ADCY2: variants seen among roughly 807,000 people sequenced by gnomAD.
ADCY2 encodes the protein adenylate cyclase 2, also known as adenylate cyclase type 2.
ADCY2 carries 31 observed loss-of-function variants against 125.2 expected under a neutral mutation model. The observed-to-expected ratio is 0.25, with a 90% CI of 0.19 to 0.33. ADCY2 has a LOEUF of 0.33. ADCY2 is among the 10% of genes least tolerant of loss of function. ADCY2 has a pLI of 1.00. For missense variants in ADCY2, 904 were observed against 1,418.2 expected, an observed-to-expected ratio of 0.64 and a Z score of 5.82; for synonymous variants, 512 against 548.4, an observed-to-expected ratio of 0.93 and a Z score of 0.93.
intron 15 of ADCY2, among the ~76,000 whole-genome samples, chr5:7,756,880 G>C (rs570344072): frequency 6.6e-6 from 1 of 152,152 alleles, no homozygotes; most frequent in Non-Finnish European, 1.5e-5. Context: ...GAGCTTCTCC[G>C]TGTGGGAGAA....
At chr5:7,581,663 C>CAAA (rs66835903) in intron 3 of ADCY2, among the ~76,000 whole-genome samples, 1 of 149,998 alleles carries the variant, frequency 6.7e-6, no homozygotes, top group African/African-American at 2.5e-5. Flanking sequence ...ACTAAAAATA[C>CAAA]AAAAAAAAAT....
At chr5:7,615,311 A>G (rs1310789787) in intron 3 of ADCY2, among the ~76,000 whole-genome samples, 1 of 152,132 alleles carries the variant, frequency 6.6e-6, no homozygotes, top group Non-Finnish European at 1.5e-5. Context: ...TTCTGTTGCT[A>G]TCTCTGGGGC....
chr5:7,641,040 A>C (rs1038844258), intron 4 of ADCY2, among the ~76,000 whole-genome samples: 1 of 152,150 alleles, frequency 6.6e-6, no homozygotes, highest in Non-Finnish European at 1.5e-5. Context: ...AGCTGATCTT[A>C]CCCTATCTGT....
At chr5:7,454,421 A>G (rs1249226397) in intron 2 of ADCY2, among the ~76,000 whole-genome samples, 1 of 152,198 alleles carries the variant, frequency 6.6e-6, no homozygotes, top group Non-Finnish European at 1.5e-5. Context: ...AACCTACAAT[A>G]TTAGTGATGT....
chr5:7,697,214 G>A (rs4702488), intron 6 of ADCY2, among the ~76,000 whole-genome samples: 24,088 of 151,938 alleles, frequency 0.16, 2,242 homozygotes, highest in Admixed American at 0.32. Flanking sequence ...TATCAGGACT[G>A]ACTTTAATAT....
At chr5:7,579,102 C>G (rs1352033698) in intron 3 of ADCY2, among the ~76,000 whole-genome samples, 1 of 152,118 alleles carries the variant, frequency 6.6e-6, no homozygotes, top group Non-Finnish European at 1.5e-5. Context: ...AATATAGTTT[C>G]ACTTCCGTCA....
At chr5:7,739,057 A>G (rs1226874798) in intron 14 of ADCY2, among the ~76,000 whole-genome samples, 1 of 151,920 alleles carries the variant, frequency 6.6e-6, no homozygotes, top group Non-Finnish European at 1.5e-5. Flanking sequence ...AACTTCCTAA[A>G]ACTAATTAAT....
At chr5:7,737,576 G>A (rs954704346) in intron 14 of ADCY2, among the ~76,000 whole-genome samples, 3 of 152,182 alleles carry the variant, frequency 2.0e-5, no homozygotes, top group Non-Finnish European at 4.4e-5. Flanking sequence ...AAGAGTCTGT[G>A]AAATGAAGTC....
chr5:7,426,103 T>A (rs1369019354), intron 2 of ADCY2, among the ~76,000 whole-genome samples: 1 of 152,186 alleles, frequency 6.6e-6, no homozygotes, highest in South Asian at 2.1e-4. Context: ...CCATCCTGCA[T>A]AAGGAAAGTC....
intron 2 of ADCY2, among the ~76,000 whole-genome samples, chr5:7,478,811 T>C (rs78690352): frequency 0.032 from 4,803 of 152,270 alleles, 248 homozygotes; most frequent in African/African-American, 0.11. Flanking sequence ...GGAGTCATAG[T>C]AAAACACTAA....
chr5:7,628,049 C>G (rs998399603), intron 4 of ADCY2, among the ~76,000 whole-genome samples: 2 of 152,114 alleles, frequency 1.3e-5, no homozygotes, highest in Non-Finnish European at 2.9e-5. Context: ...GGACTATTAT[C>G]CAGTTTATTC....
chr5:7,803,870 A>G (rs1227324771), intron 21 of ADCY2, among the ~76,000 whole-genome samples: 2 of 151,752 alleles, frequency 1.3e-5, no homozygotes, highest in Non-Finnish European at 2.9e-5. Context: ...ACTGCACTCC[A>G]GCTAGGGTGA....
chr5:7,596,881 T>G (rs967106342), intron 3 of ADCY2, among the ~76,000 whole-genome samples: 2 of 152,150 alleles, frequency 1.3e-5, no homozygotes, highest in African/African-American at 2.4e-5. Context: ...TTTAAAAAAT[T>G]TAGTCCTCAT....
chr5:7,467,071 G>T (rs1355849024), intron 2 of ADCY2, among the ~76,000 whole-genome samples: 1 of 152,184 alleles, frequency 6.6e-6, no homozygotes, highest in African/African-American at 2.4e-5. Flanking sequence ...TAACCCCATT[G>T]TAAGTGGACA....
rs183552083 is a variant in ADCY2, at chr5:7,777,946, C to T, written c.2384+4845C>T. On this transcript the variant is annotated intron_variant, in intron 18 of 24. Transcript: ENST00000338316. ...CAGTATTTAACGTGACCTGCTGGGA[C>T]GTGATTCGGATAAGTCGCCTCCTGC... 1.5e-3 allele frequency among the ~76,000 whole-genome samples: 222 copies of T among 152,262 alleles called. 4 individuals are homozygous for T. Among genetic ancestry groups the T allele is most frequent in the Admixed American group, 0.013 (200 of 15,298 alleles).
At chr5:7,483,353 C>A (rs918221501) in intron 2 of ADCY2, among the ~76,000 whole-genome samples, 2 of 151,700 alleles carry the variant, frequency 1.3e-5, no homozygotes, top group Admixed American at 1.3e-4. Context: ...CAAGAATTTG[C>A]AGGTTAGGTA....
At chr5:7,603,192 G>A (rs1737272371) in intron 3 of ADCY2, among the ~76,000 whole-genome samples, 1 of 152,176 alleles carries the variant, frequency 6.6e-6, no homozygotes, top group Non-Finnish European at 1.5e-5. Context: ...TTCACATCTT[G>A]TTCCATCACC....
At position 7,520,914 on chromosome 5, in the gene ADCY2, A is replaced by G; in HGVS notation, c.570+15A>G. The stretch of plus-strand genomic sequence containing the variant: ...TGGTCTGGCAGGTGGGTGCACCTCC[A>G]CATCCATGGAGAATGACTTTCCACA... On this transcript the variant is annotated intron_variant, in intron 3 of 24. Coordinates refer to ENST00000338316, the MANE Select transcript of ADCY2 (RefSeq NM_020546.3). 3.1e-6 allele frequency: 5 copies of G among 1,613,502 alleles called. No individual in the cohort carries two copies. The highest frequency in any genetic ancestry group is 1.3e-5 in the African/African-American group (1 of 75,046).
chr5:7,430,579 T>TCG (rs1251271332), intron 2 of ADCY2, among the ~76,000 whole-genome samples: 2 of 148,818 alleles, frequency 1.3e-5, no homozygotes, highest in African/African-American at 4.9e-5. Flanking sequence ...ATAGTGTATA[T>TCG]ATATAAAGGA....
Sources: allele counts gnomAD v4.1 joint callset (sites outside exome capture counted in the v4.1 genomes callset), GRCh38; gene constraint gnomAD v4.1.1; transcripts MANE v1.5; gene names NCBI Gene and HGNC (gene_info 2026-07-23, HGNC 2026-07-21).